The following MOV10L1 variants were observed in gnomAD, a reference collection of about 807,000 sequenced individuals.
The protein encoded by MOV10L1 is RNA helicase Mov10l1.
Under a neutral mutation model 143.8 loss-of-function variants are expected in MOV10L1, and 110 were observed. That is an observed-to-expected ratio of 0.76 (90% confidence interval 0.66 to 0.90). The LOEUF (loss-of-function observed/expected upper bound fraction) is 0.90. MOV10L1 is among the 40% of genes least tolerant of loss of function. The pLI, the probability that MOV10L1 is intolerant of heterozygous loss-of-function variation, is 0.00. For missense variants in MOV10L1, 1,406 were observed against 1,526.8 expected, an observed-to-expected ratio of 0.92 and a Z score of 1.32; for synonymous variants, 593 against 581.1, an observed-to-expected ratio of 1.02 and a Z score of -0.29.
At chr22:50,143,437 T>G in intron 17 of MOV10L1, 2 of 565,254 alleles carry the variant, frequency 3.5e-6, no homozygotes, top group Non-Finnish European at 6.2e-6. Flanking sequence ...TTTAGCCTGG[T>G]AAACTATTTT....
chr22:50,148,521 C>G (rs2063212303), intron 19 of MOV10L1, among the ~76,000 whole-genome samples: 1 of 152,244 alleles, frequency 6.6e-6, no homozygotes, highest in African/African-American at 2.4e-5. Context: ...CTGCACCTCC[C>G]TTACCTCCCT....
intron 13 of MOV10L1, among the ~76,000 whole-genome samples, chr22:50,129,064 C>T (rs766658268): frequency 3.3e-5 from 5 of 152,098 alleles, no homozygotes; most frequent in East Asian, 1.9e-4. Flanking sequence ...CTGTGGTTGA[C>T]GTGTATAGGC....
chr22:50,153,585 C>T (rs2063352273), intron 22 of MOV10L1, among the ~76,000 whole-genome samples: 1 of 152,196 alleles, frequency 6.6e-6, no homozygotes, highest in Admixed American at 6.5e-5. Context: ...AGGCCACCAC[C>T]GCCTCCCTCC....
chr22:50,133,136 G>A (rs1247381502), intron 13 of MOV10L1, among the ~76,000 whole-genome samples: 1 of 152,180 alleles, frequency 6.6e-6, no homozygotes, highest in Non-Finnish European at 1.5e-5. Context: ...TTGTGTGCCA[G>A]TGTGGAATAG....
chr22:50,095,666 G>A (rs903730867), intron 2 of MOV10L1: 5 of 152,028 alleles, frequency 3.3e-5, no homozygotes, highest in South Asian at 2.1e-4. Flanking sequence ...AAATGGAAAC[G>A]TAGGTTGTGA....
At chr22:50,126,370 A>G in intron 12 of MOV10L1, 98 bp downstream of exon 12, 1 of 789,074 alleles carries the variant, frequency 1.3e-6, no homozygotes, top group Non-Finnish European at 2.1e-6. Flanking sequence ...AGATGCTCCC[A>G]TATGCATTGG....
chr22:50,121,530 T>G (rs1238810089), intron 10 of MOV10L1, among the ~76,000 whole-genome samples: 1 of 152,160 alleles, frequency 6.6e-6, no homozygotes, highest in East Asian at 1.9e-4. Context: ...GGATGGAAGG[T>G]GCAAATTCAA....
intron 19 of MOV10L1, chr22:50,149,369 C>T (rs2063233893): frequency 5.8e-6 from 3 of 516,864 alleles, no homozygotes; most frequent in South Asian, 2.3e-5. Flanking sequence ...CCCTTCTTCC[C>T]TCCACATCTC....
chr22:50,090,693 T>TGA (rs960196186), intron 1 of MOV10L1: 33 of 735,666 alleles, frequency 4.5e-5, no homozygotes, highest in East Asian at 1.5e-4. Context: ...TGTGTGTGTG[T>TGA]GAGACGGAGT....
intron 2 of MOV10L1, chr22:50,094,398 A>AG (rs2062533825): frequency 7.9e-6 from 1 of 126,026 alleles, no homozygotes; most frequent in African/African-American, 2.8e-5. Context: ...GAAAGCTTTC[A>AG]ATTTTTTTTT....
In MOV10L1 at chr22:50,159,865, G is replaced by C; in HGVS notation, c.3324+80G>C. 2.1e-6 allele frequency: 2 copies of C among 944,328 alleles called. No homozygotes were observed. The highest frequency in any genetic ancestry group is 3.0e-5 in the South Asian group (2 of 67,002). 58.5% of individuals were successfully genotyped at this position (944,328 alleles called of 1,614,324 possible). On this transcript the variant is annotated intron_variant, in intron 24 of 26. Transcript: ENST00000262794. This position sits in a 1 kb window ranked among gnomAD's most constrained non-coding sequence, Gnocchi z 4.1. ...GGTTCTGGGGGCTTCAGATCTAAAG[G>C]GGCAGAGGCTGATTCCCAGCCCAGA... is the stretch of plus-strand genomic sequence containing the variant.
intron 18 of MOV10L1, among the ~76,000 whole-genome samples, chr22:50,144,748 A>G (rs1290045792): frequency 2.0e-5 from 3 of 151,362 alleles, no homozygotes; most frequent in African/African-American, 7.3e-5. Flanking sequence ...CGCCCGGCTA[A>G]TTTTTTGTAT....
chr22:50,126,156 G>T (rs1331434112), intron 11 of MOV10L1, 46 bp from the exon 12 acceptor site: 12 of 1,366,802 alleles, frequency 8.8e-6, no homozygotes, highest in Non-Finnish European at 1.3e-5. Flanking sequence ...ACAGAAATTT[G>T]TGATTTTGTG....
At chr22:50,099,885 G>A (rs1381310173) in intron 3 of MOV10L1, among the ~76,000 whole-genome samples, 3 of 152,176 alleles carry the variant, frequency 2.0e-5, no homozygotes, top group Admixed American at 6.5e-5. Context: ...AGAGGGTTTC[G>A]GGATTAGAGT....
At chr22:50,094,180 G>GAAT (rs2062528174) in intron 2 of MOV10L1, 1 of 152,124 alleles carries the variant, frequency 6.6e-6, no homozygotes, top group Non-Finnish European at 1.5e-5. Context: ...ATTTCATTTA[G>GAAT]AATAATTGAT....
At chr22:50,135,300 C>G (rs2062793621) in intron 15 of MOV10L1, among the ~76,000 whole-genome samples, 1 of 151,878 alleles carries the variant, frequency 6.6e-6, no homozygotes, top group African/African-American at 2.4e-5. Context: ...GCGTGAGCCA[C>G]CACACCCGGC....
chr22:50,113,923 T>G (rs1207098439), intron 6 of MOV10L1, 135 bp downstream of exon 6: 1 of 965,452 alleles, frequency 1.0e-6, no homozygotes, highest in Admixed American at 3.9e-5. Context: ...TTTTTTTTTT[T>G]TTTTTTTTTT....
intron 9 of MOV10L1, among the ~76,000 whole-genome samples, chr22:50,119,680 G>C (rs2062283590): frequency 6.7e-6 from 1 of 149,744 alleles, no homozygotes; most frequent in Non-Finnish European, 1.5e-5. Context: ...TGTGAGCGCT[G>C]ACATAACCCT....
At chr22:50,115,006 ATCTG>A in intron 7 of MOV10L1, 104 bp from the exon 8 acceptor site, 1 of 1,248,194 alleles carries the variant, frequency 8.0e-7, no homozygotes, top group Non-Finnish European at 1.1e-6. Context: ...TTTTGTGTGC[ATCTG>A]TCTTTGTGTG....
Sources: gnomAD v4.1 joint callset for allele counts (sites outside exome capture counted in the v4.1 genomes callset) on GRCh38, gnomAD v4.1.1 for gene constraint, Gnocchi (gnomAD v3.1) non-coding constraint, MANE v1.5 for transcripts, NCBI Gene and HGNC (gene_info 2026-07-23, HGNC 2026-07-21) for gene names.